Variants in DNAH17 observed in about 807,000 individuals in gnomAD.
The protein encoded by DNAH17 is dynein axonemal heavy chain 17.
In DNAH17, 376 loss-of-function variants were observed where a neutral mutation model predicts 485.6. The observed-to-expected ratio is 0.77, with a 90% CI of 0.71 to 0.84. The LOEUF (loss-of-function observed/expected upper bound fraction) is 0.84, where lower values mean the gene tolerates loss of function less well. DNAH17 is among the 40% of genes least tolerant of loss of function. The probability of loss-of-function intolerance (pLI) is 0.00; values close to 1 mark genes in which losing one functional copy is unlikely to be tolerated. For missense variants in DNAH17, 6,370 were observed against 5,839.3 expected, an observed-to-expected ratio of 1.09 and a Z score of -2.96; for synonymous variants, 3,031 against 2,405.9, an observed-to-expected ratio of 1.26 and a Z score of -7.60.
chr17:78,452,285 GATTTA>G (rs1028755757), intron 65 of DNAH17, among the ~76,000 whole-genome samples: 1 of 152,222 alleles, frequency 6.6e-6, no homozygotes, highest in African/African-American at 2.4e-5. Context: ...TTTTAAAGTA[GATTTA>G]ATTTTTTAAA....
At chr17:78,450,545 TCTC>T in intron 67 of DNAH17, 134 bp downstream of exon 67, 1 of 1,410,678 alleles carries the variant, frequency 7.1e-7, no homozygotes, top group Non-Finnish European at 9.6e-7. Flanking sequence ...CCAGACCCCT[TCTC>T]CTGCCCTGGG....
intron 55 of DNAH17, 53 bp from the exon 56 acceptor site, chr17:78,466,869 C>T: frequency 1.4e-6 from 2 of 1,465,244 alleles, no homozygotes; most frequent in Non-Finnish European, 1.8e-6. Flanking sequence ...GTGCTGGGGC[C>T]TAATCCATCA....
chr17:78,519,297 G>A (rs866994435), intron 25 of DNAH17, among the ~76,000 whole-genome samples: 80 of 151,886 alleles, frequency 5.3e-4, no homozygotes, highest in African/African-American at 1.7e-3. Flanking sequence ...TACGTGGGAC[G>A]CAGCTAATGT....
chr17:78,521,526 C>T (rs976694994), intron 25 of DNAH17, among the ~76,000 whole-genome samples: 4 of 152,064 alleles, frequency 2.6e-5, no homozygotes, highest in Non-Finnish European at 5.9e-5. Context: ...AAACCTCACT[C>T]CTTATACAAA....
At position 78,461,534 on chromosome 17, in the gene DNAH17, C is replaced by G. The variant is rs1361809183; in HGVS notation, c.9339+10G>C. ...CCTTCCTGAAGGCACGCTGGGCTGCCTTCACCTACCTTATTGATGACCTCG... is the reference window on the plus strand; with the variant it reads ...CCTTCCTGAAGGCACGCTGGGCTGCGTTCACCTACCTTATTGATGACCTCG... On this transcript the variant is annotated intron_variant, in intron 58 of 80. Transcript: ENST00000389840. The G allele has an allele frequency of 3.8e-6, 6 of 1,569,218 alleles. No homozygotes were observed. The highest frequency in any genetic ancestry group is 5.2e-6 in the Non-Finnish European group (6 of 1,157,962).
chr17:78,426,607 GAC>G lies in DNAH17; in HGVS notation c.12772-9_12772-8del, dbSNP rs746058606. 75 of 1,598,712 alleles carry G rather than the reference GAC, an allele frequency of 4.7e-5. No homozygotes were observed. The South Asian group carries it at 7.0e-4, about 15-fold the overall frequency. ...TCGTGATGGTCAGTTCTCCCTAGGA[GAC>G]ACACAGATGGGTGTGGGGAGCCCTG... On this transcript the variant is annotated splice_polypyrimidine_tract_variant and splice_region_variant and intron_variant, in intron 78 of 80. Transcript: ENST00000389840.
chr17:78,533,646 A>G (rs2091298414), intron 19 of DNAH17, among the ~76,000 whole-genome samples: 1 of 152,280 alleles, frequency 6.6e-6, no homozygotes. Flanking sequence ...CGGTGTGTGT[A>G]TTAATCACAT....
chr17:78,488,938 C>T lies in DNAH17; in HGVS notation c.6818+1761G>A, dbSNP rs985569634. Among the ~76,000 whole-genome samples the T allele has an allele frequency of 8.5e-5, 13 of 152,154 alleles. No individual in the cohort carries two copies. The East Asian group carries it at 2.5e-3, about 29-fold the overall frequency. On this transcript the variant is annotated intron_variant, in intron 44 of 80. Transcript: ENST00000389840. ...GCCTGGGACAGGTTCTCCCGCAGAG[C>T]CTCAGAGGGAACCAGCACTGCCTAC...
intron 73 of DNAH17, among the ~76,000 whole-genome samples, chr17:78,438,495 A>G (rs1265992554): frequency 2.7e-5 from 3 of 112,474 alleles, no homozygotes; most frequent in African/African-American, 1.1e-4. Context: ...AGCACTTGTC[A>G]TCTTTTTTTT....
intron 73 of DNAH17, 64 bp downstream of exon 73, chr17:78,439,026 G>GCC (rs767019121): frequency 4.5e-6 from 7 of 1,572,176 alleles, no homozygotes; most frequent in Non-Finnish European, 6.0e-6. Context: ...GGGCCTTCTG[G>GCC]CCCATCCCCA....
At position 78,453,523 on chromosome 17, in the gene DNAH17, G is replaced by A. The variant is rs544827179; in HGVS notation, c.10407-58C>T. 315 of 1,598,454 alleles carry A rather than the reference G, an allele frequency of 2.0e-4. 1 individual carries two copies. Among genetic ancestry groups the A allele is most frequent in the Non-Finnish European group, 2.5e-4 (291 of 1,170,110 alleles). Reference sequence around the variant, plus strand: ...AGAGGGCCTCGTGATGGAACGGTGCGCACGCTCCGACCAGCAGCCCCTGCC... The same window carrying A: ...AGAGGGCCTCGTGATGGAACGGTGCACACGCTCCGACCAGCAGCCCCTGCC... On this transcript the variant is annotated intron_variant, in intron 64 of 80. Coordinates refer to ENST00000389840, the MANE Select transcript of DNAH17 (RefSeq NM_173628.4).
At chr17:78,502,037 AC>A in intron 33 of DNAH17, 164 bp from the exon 34 acceptor site, 2 of 988,474 alleles carry the variant, frequency 2.0e-6, no homozygotes, top group Non-Finnish European at 2.9e-6. Context: ...CACTGGTTTC[AC>A]CAGGGTGCGG....
rs62073553 is a variant in DNAH17 at position 78,507,478 on chromosome 17, C to A, written c.4564G>T (p.Asp1522Tyr). Residue 1522 changes from aspartate (D) to tyrosine (Y), a missense_variant, in exon 28 of 81, where the codon GAC becomes TAC. Physicochemically the swap from Asp to Tyr is radical, Grantham distance 160 (BLOSUM62 -3). Coordinates refer to ENST00000389840, the MANE Select transcript of DNAH17 (RefSeq NM_173628.4). ...QLPGDSQRFD[D>Y]INQEFKALME... ...CTCACCTTGAATTCCTGGTTGATGT[C>A]GTCAAAGCGCTGGGAGTCCCCCGGG... The A allele has an allele frequency of 0.14, 219,277 of 1,612,306 alleles. 15,983 individuals are homozygous for A. The highest frequency in any genetic ancestry group is 0.16 in the Admixed American group (9,371 of 59,968).
chr17:78,486,152 A>G lies in DNAH17; in HGVS notation c.7102-19T>C, dbSNP rs2146649211. On this transcript the variant is annotated intron_variant, in intron 45 of 80. Coordinates refer to ENST00000389840, the MANE Select transcript of DNAH17 (RefSeq NM_173628.4). ...CCACAAGCTGTTGAGACACAGAAGT[A>G]AAAATCAGGGCCCAGCTAAGCAGGA... 1.2e-6 allele frequency: 2 copies of G among 1,610,030 alleles called. No homozygotes were observed. The highest frequency in any genetic ancestry group is 1.7e-6 in the Non-Finnish European group (2 of 1,177,516).
chr17:78,441,030 T>A (rs1324806384), intron 72 of DNAH17, 21 bp downstream of exon 72: 1 of 1,559,902 alleles, frequency 6.4e-7, no homozygotes, highest in Non-Finnish European at 8.7e-7. Flanking sequence ...TTTGAGAACA[T>A]CACTTGCCTG....
At position 78,507,654 on chromosome 17, in the gene DNAH17, T is replaced by C. The variant is rs770232722; in HGVS notation, c.4388A>G (p.Lys1463Arg). ...CTCCTTCAGGAAGTGGGCCAGGTACTTGGACATCATCAGGTTCTGCAGCTG... is the reference window on the plus strand; with the variant it reads ...CTCCTTCAGGAAGTGGGCCAGGTACCTGGACATCATCAGGTTCTGCAGCTG... The part of the protein sequence containing the change: ...QVQLQNLMMS[K>R]YLAHFLKEVT... Residue 1463 changes from lysine to arginine, a missense_variant, in exon 28 of 81, where the codon AAG becomes AGG. Lys to Arg is a conservative substitution (Grantham distance 26, BLOSUM62 2). Transcript: ENST00000389840. The C allele has an allele frequency of 6.2e-7, 1 of 1,613,934 alleles. No homozygotes were observed. The highest frequency in any genetic ancestry group is 8.5e-7 in the Non-Finnish European group (1 of 1,180,014).
chr17:78,559,891 C>T (rs55713078), intron 13 of DNAH17, among the ~76,000 whole-genome samples: 121,612 of 151,972 alleles, frequency 0.8, 48,685 homozygotes, highest in East Asian at 0.88. Flanking sequence ...TTTCTTTACC[C>T]GCATGCCGTG....
Position 78,571,440 on chromosome 17 carries a change from C to T in DNAH17, c.733-62G>A. 2.7e-6 allele frequency: 4 copies of T among 1,503,486 alleles called. No homozygotes were observed. In the South Asian group the frequency reaches 3.4e-5, roughly 13 times the overall value. 93.1% of individuals were successfully genotyped at this position (1,503,486 alleles called of 1,614,324 possible). On this transcript the variant is annotated intron_variant, in intron 4 of 80. Transcript: ENST00000389840. ...TGGAAGACCCTAAGGCGAGGCCAAC[C>T]TGACCTTGTGGCTGGCTGGAGCTGC...
chr17:78,551,683 G>A (rs757178401), intron 15 of DNAH17, 45 bp from the exon 16 acceptor site: 1 of 1,590,074 alleles, frequency 6.3e-7, no homozygotes, highest in South Asian at 1.1e-5. Flanking sequence ...AACAATTCAG[G>A]CTGGGCGCGG....
Sources: allele counts gnomAD v4.1 joint callset (sites outside exome capture counted in the v4.1 genomes callset), GRCh38; gene constraint gnomAD v4.1.1; transcripts MANE v1.5; gene names NCBI Gene and HGNC (gene_info 2026-07-23, HGNC 2026-07-21).